PKNOX2: variants seen among roughly 807,000 people sequenced by gnomAD.
PKNOX2 encodes the protein homeobox protein PKNOX2.
In PKNOX2, 14 loss-of-function variants were observed where a neutral mutation model predicts 53.1. That is an observed-to-expected ratio of 0.26 (90% CI 0.17 to 0.41). The LOEUF (loss-of-function observed/expected upper bound fraction) is 0.41, where lower values mean the gene tolerates loss of function less well. PKNOX2 is among the 10% of genes least tolerant of loss of function. The pLI is 1.00. For missense variants in PKNOX2, 496 were observed against 602.8 expected, an observed-to-expected ratio of 0.82 and a Z score of 1.85; for synonymous variants, 257 against 242.8, an observed-to-expected ratio of 1.06 and a Z score of -0.54.
chr11:125,184,085 A>G (rs1956316886), intron 1 of PKNOX2: 1 of 152,284 alleles, frequency 6.6e-6, no homozygotes, highest in Non-Finnish European at 1.5e-5. Context: ...GAGTGGGGAG[A>G]GAAGCATGGA....
chr11:125,307,747 A>G (rs1209984018), intron 2 of PKNOX2, among the ~76,000 whole-genome samples: 4 of 152,252 alleles, frequency 2.6e-5, no homozygotes, highest in African/African-American at 4.8e-5. Context: ...CTGGGCCACC[A>G]GTTTAATGCT....
rs943469300 is a variant in PKNOX2, at chr11:125,352,679, C to A, written c.87+1287C>A. Reference sequence around the variant, plus strand: ...AGCATATGGAACACCTTTGCTCTGCCCTTGAAGGTCCAAAAGCCCTGGTCC... The same window carrying A: ...AGCATATGGAACACCTTTGCTCTGCACTTGAAGGTCCAAAAGCCCTGGTCC... On this transcript the variant is annotated intron_variant, in intron 4 of 12. Coordinates refer to ENST00000298282, the MANE Select transcript of PKNOX2 (RefSeq NM_001382323.2). This position sits in a 1 kb window ranked among gnomAD's most constrained non-coding sequence, Gnocchi z 4.1. Among the ~76,000 whole-genome samples the A allele has an allele frequency of 6.6e-6, 1 of 152,128 alleles. No individual in the cohort carries two copies. The highest frequency in any genetic ancestry group is 1.5e-5 in the Non-Finnish European group (1 of 68,014).
intron 10 of PKNOX2, among the ~76,000 whole-genome samples, chr11:125,421,379 G>C (rs554637452): frequency 7.2e-5 from 11 of 152,228 alleles, no homozygotes; most frequent in Non-Finnish European, 1.2e-4. Flanking sequence ...AGGAGCGGCT[G>C]AGGGGTCTGG....
At chr11:125,405,546 T>C (rs147808889) in intron 7 of PKNOX2, among the ~76,000 whole-genome samples, 54 of 152,318 alleles carry the variant, frequency 3.5e-4, no homozygotes, top group Non-Finnish European at 7.5e-4. Context: ...CGTTTCTTAG[T>C]AAGGCCTTCC....
In PKNOX2 at chr11:125,370,188, C is replaced by T. The variant is rs926491120; in HGVS notation, c.227+2203C>T. On this transcript the variant is annotated intron_variant, in intron 5 of 12. Transcript: ENST00000298282. This position sits in a 1 kb window ranked among gnomAD's most constrained non-coding sequence, Gnocchi z 4.1. ...CTAGCCTCTCTGAGCTTTCATGTCC[C>T]GATGGAACCTAAGCAGCAGACTTGA... Among the ~76,000 whole-genome samples, 3 of 152,126 alleles carry T rather than the reference C, an allele frequency of 2.0e-5. No individual in the cohort carries two copies. Among genetic ancestry groups the T allele is most frequent in the Non-Finnish European group, 2.9e-5 (2 of 68,024 alleles).
chr11:125,391,178 C>A (rs998838152), intron 6 of PKNOX2, among the ~76,000 whole-genome samples: 5 of 152,224 alleles, frequency 3.3e-5, no homozygotes, highest in African/African-American at 1.2e-4. Flanking sequence ...TCCCTAATTC[C>A]TGCATGGAGC....
In PKNOX2 at chr11:125,414,602, T is replaced by A. The variant is rs371757171; in HGVS notation, c.936+2737T>A. Among the ~76,000 whole-genome samples the A allele has an allele frequency of 3.2e-3, 494 of 152,146 alleles. 2 individuals are homozygous for A. Among genetic ancestry groups the A allele is most frequent in the African/African-American group, 9.0e-3 (374 of 41,498 alleles). On this transcript the variant is annotated intron_variant, in intron 10 of 12. Coordinates refer to ENST00000298282, the MANE Select transcript of PKNOX2 (RefSeq NM_001382323.2). ...GCACATGTGGACACACCCTCCCCAA[T>A]CCTCAGCTGCTTCAGGAAAGAGGCT...
intron 2 of PKNOX2, among the ~76,000 whole-genome samples, chr11:125,289,358 A>G (rs896315855): frequency 1.3e-5 from 2 of 152,208 alleles, no homozygotes; most frequent in Admixed American, 1.3e-4. Flanking sequence ...ATTGTCCTTC[A>G]GTTTTCTCCA....
At position 125,309,192 on chromosome 11, in the gene PKNOX2, C is replaced by T. The variant is rs116522794; in HGVS notation, c.-129-22627C>T. ...CCTTCCTCTCTCTCTTTCTTCCTTCCTTCCTCTCTCTTCCTTCCTTTCTCT... is the reference window on the plus strand; with the variant it reads ...CCTTCCTCTCTCTCTTTCTTCCTTCTTTCCTCTCTCTTCCTTCCTTTCTCT... On this transcript the variant is annotated intron_variant, in intron 2 of 12. Transcript: ENST00000298282. Among the ~76,000 whole-genome samples, 699 of 142,686 alleles carry T rather than the reference C, an allele frequency of 4.9e-3. 5 individuals are homozygous for T. Among genetic ancestry groups the T allele is most frequent in the African/African-American group, 0.019 (670 of 34,798 alleles). 93.6% of individuals were successfully genotyped at this position (142,686 alleles called of 152,430 possible).
chr11:125,286,409 ACTT>A (rs1425878140), intron 2 of PKNOX2, among the ~76,000 whole-genome samples: 15 of 152,232 alleles, frequency 9.9e-5, no homozygotes, highest in Admixed American at 8.5e-4. Flanking sequence ...GAACATAAAC[ACTT>A]CTTCTCCAAC....
intron 6 of PKNOX2, among the ~76,000 whole-genome samples, chr11:125,388,640 A>G (rs1423454560): frequency 1.4e-4 from 21 of 151,878 alleles, no homozygotes; most frequent in Non-Finnish European, 8.8e-5. Context: ...CAGGCCCTGT[A>G]AGCCTGTGGT....
chr11:125,353,678 C>T (rs1951436862), intron 4 of PKNOX2, among the ~76,000 whole-genome samples: 1 of 152,198 alleles, frequency 6.6e-6, no homozygotes, highest in East Asian at 1.9e-4. Context: ...ATATTTAGAG[C>T]AAAGGAATAA....
intron 7 of PKNOX2, among the ~76,000 whole-genome samples, chr11:125,403,665 G>C (rs1307380607): frequency 1.3e-5 from 2 of 152,160 alleles, no homozygotes; most frequent in Non-Finnish European, 2.9e-5. Flanking sequence ...TTGCTACATG[G>C]GGATATGTTT....
At chr11:125,255,020 G>A (rs1337096132) in intron 2 of PKNOX2, among the ~76,000 whole-genome samples, 5 of 152,174 alleles carry the variant, frequency 3.3e-5, no homozygotes, top group Admixed American at 6.5e-5. Flanking sequence ...GATGCAACGC[G>A]AATGATACAC....
intron 3 of PKNOX2, among the ~76,000 whole-genome samples, chr11:125,333,549 TACACACACACACAC>T (rs57352759): frequency 4.2e-5 from 6 of 142,246 alleles, no homozygotes; most frequent in Non-Finnish European, 6.3e-5. Flanking sequence ...CACACACACA[TACACACACACACAC>T]ACACACACAC....
intron 4 of PKNOX2, among the ~76,000 whole-genome samples, chr11:125,363,917 C>T (rs746847909): frequency 1.3e-5 from 2 of 152,210 alleles, no homozygotes; most frequent in Non-Finnish European, 2.9e-5. Context: ...GGTGTAAATG[C>T]TCCCACCATG....
chr11:125,414,811 A>G (rs1209195253), intron 10 of PKNOX2, among the ~76,000 whole-genome samples: 4 of 152,164 alleles, frequency 2.6e-5, no homozygotes, highest in Admixed American at 2.0e-4. Flanking sequence ...GAAAATGTAT[A>G]TAAAGAGCCA....
intron 7 of PKNOX2, among the ~76,000 whole-genome samples, chr11:125,409,777 T>C (rs1022903638): frequency 2.6e-5 from 4 of 151,990 alleles, no homozygotes; most frequent in Non-Finnish European, 5.9e-5. Context: ...GAGCTTTTAA[T>C]AACCCGGAGC....
At chr11:125,257,623 C>A (rs1312150195) in intron 2 of PKNOX2, among the ~76,000 whole-genome samples, 3 of 152,212 alleles carry the variant, frequency 2.0e-5, no homozygotes, top group Non-Finnish European at 4.4e-5. Context: ...AATGAAGAAG[C>A]AGCAGCTGAC....
Sources: allele counts gnomAD v4.1 joint callset (sites outside exome capture counted in the v4.1 genomes callset), GRCh38; gene constraint gnomAD v4.1.1; non-coding constraint Gnocchi (gnomAD v3.1); transcripts MANE v1.5; gene names NCBI Gene and HGNC (gene_info 2026-07-23, HGNC 2026-07-21).